DEPTOR: variants seen among roughly 807,000 people sequenced by gnomAD.
DEPTOR encodes DEP domain containing MTOR interacting protein.
In DEPTOR, 41 loss-of-function variants were observed where a neutral mutation model predicts 41.6. The ratio of observed to expected loss-of-function variants is 0.98; its 90% CI spans 0.77 to 1.28. The LOEUF (loss-of-function observed/expected upper bound fraction) is 1.28. Among genes scored for constraint, DEPTOR ranks in the 50% most tolerant of loss-of-function variants. The pLI, the probability that DEPTOR is intolerant of heterozygous loss-of-function variation, is 0.00. For missense variants in DEPTOR, 514 were observed against 527.9 expected (o/e 0.97, Z 0.26); for synonymous variants, 195 against 192.3 (o/e 1.01, Z -0.12).
intron 1 of DEPTOR, among the ~76,000 whole-genome samples, chr8:119,909,601 A>G (rs6469868): frequency 0.5 from 75,838 of 152,150 alleles, 20,632 homozygotes; most frequent in East Asian, 0.92. Flanking sequence ...ATTAATGTAA[A>G]CAATTGCAAA....
intron 3 of DEPTOR, among the ~76,000 whole-genome samples, chr8:119,954,145 C>CTT (rs11352000): frequency 4.2e-5 from 6 of 141,552 alleles, no homozygotes; most frequent in Admixed American, 7.1e-5. Flanking sequence ...GAATAATTAA[C>CTT]TTTTTTTTTT....
chr8:119,894,378 GTTCT>G (rs1181998986), intron 1 of DEPTOR, among the ~76,000 whole-genome samples: 3 of 81,640 alleles, frequency 3.7e-5, no homozygotes, highest in African/African-American at 1.0e-4. Flanking sequence ...GCCTCTAATA[GTTCT>G]TTTTTATTTA....
intron 4 of DEPTOR, among the ~76,000 whole-genome samples, chr8:119,990,755 C>A (rs1256529972): frequency 1.3e-5 from 2 of 152,138 alleles, no homozygotes; most frequent in African/African-American, 4.8e-5. Flanking sequence ...CAATCAATTT[C>A]CTGCTTTCAT....
chr8:120,009,445 C>T (rs1349628503), intron 8 of DEPTOR, among the ~76,000 whole-genome samples: 14 of 151,734 alleles, frequency 9.2e-5, no homozygotes. Flanking sequence ...AAACCCTATC[C>T]CTACTAAAAA....
intron 3 of DEPTOR, among the ~76,000 whole-genome samples, chr8:119,964,084 A>G (rs377234509): frequency 1.4e-3 from 217 of 152,238 alleles, no homozygotes; most frequent in African/African-American, 5.1e-3. Context: ...AGAGAGAGAA[A>G]GAGAGCAAGC....
At chr8:119,993,673 G>T (rs1052418007) in intron 4 of DEPTOR, among the ~76,000 whole-genome samples, 16 of 152,230 alleles carry the variant, frequency 1.1e-4, no homozygotes, top group Non-Finnish European at 4.4e-5. Flanking sequence ...TGGGATCTGA[G>T]AAATGTAGAA....
chr8:119,962,568 T>C (rs1273414341), intron 3 of DEPTOR, among the ~76,000 whole-genome samples: 2 of 152,152 alleles, frequency 1.3e-5, no homozygotes, highest in East Asian at 1.9e-4. Context: ...ACGCATACTT[T>C]ATAGGCTATG....
rs940203287 is a variant in DEPTOR at position 119,995,712 on chromosome 8, C to CT, written c.605-5810dup. ...GTGAAATGATGTCTCTTTTAGCAGGCTTTGGTATTGGTGAGCATAAAGAGA... is the reference window on the plus strand; with the variant it reads ...GTGAAATGATGTCTCTTTTAGCAGGCTTTTGGTATTGGTGAGCATAAAGAGA... On this transcript the variant is annotated intron_variant, in intron 4 of 8. Coordinates refer to ENST00000286234, the MANE Select transcript of DEPTOR (RefSeq NM_022783.4). Among the ~76,000 whole-genome samples the CT allele has an allele frequency of 2.4e-4, 37 of 152,142 alleles. 1 individual carries two copies. Among genetic ancestry groups the CT allele is most frequent in the African/African-American group, 8.4e-4 (35 of 41,510 alleles).
intron 1 of DEPTOR, among the ~76,000 whole-genome samples, chr8:119,892,291 A>T (rs2129719368): frequency 6.6e-6 from 1 of 152,120 alleles, no homozygotes; most frequent in African/African-American, 2.4e-5. Context: ...GAGCTACTAT[A>T]CCTGGCCTGG....
chr8:120,027,806 A>G (rs1363351703), intron 8 of DEPTOR, among the ~76,000 whole-genome samples: 1 of 152,154 alleles, frequency 6.6e-6, no homozygotes, highest in African/African-American at 2.4e-5. Context: ...AGCATAAACA[A>G]GAACACAGAG....
chr8:120,001,529 C>T lies in DEPTOR; in HGVS notation c.609C>T (p.Ser203=). 1 of 1,607,168 alleles carries T rather than the reference C, an allele frequency of 6.2e-7. No homozygotes were observed. Among genetic ancestry groups the T allele is most frequent in the Non-Finnish European group, 8.5e-7 (1 of 1,176,516 alleles). Residue 203 remains serine (S), a synonymous_variant, in exon 5 of 9, where the codon TCC becomes TCT. Coordinates refer to ENST00000286234, the MANE Select transcript of DEPTOR (RefSeq NM_022783.4). ...TGTTTTTTTTTTTCTCCCCAGTGTCCAACAAGCACCCATTTGTGGACAGCA... is the reference window on the plus strand; with the variant it reads ...TGTTTTTTTTTTTCTCCCCAGTGTCTAACAAGCACCCATTTGTGGACAGCA... The part of the protein sequence containing the change: ...LMEHGIIQHV[S]NKHPFVDSNL...
At position 120,040,209 on chromosome 8, in the gene DEPTOR, T is replaced by C. The variant is rs548299080; in HGVS notation, c.1102-9367T>C. Among the ~76,000 whole-genome samples, 6 of 152,252 alleles carry C rather than the reference T, an allele frequency of 3.9e-5. No homozygotes were observed. In the South Asian group the frequency reaches 8.3e-4, roughly 21 times the overall value. On this transcript the variant is annotated intron_variant, in intron 8 of 8. Coordinates refer to ENST00000286234, the MANE Select transcript of DEPTOR (RefSeq NM_022783.4). Reference sequence around the variant, plus strand: ...TCTTCTTGCATGAGGCAGTTAATGCTCATGGTGAAAGAATGCTCTCTTATA... The same window carrying C: ...TCTTCTTGCATGAGGCAGTTAATGCCCATGGTGAAAGAATGCTCTCTTATA...
intron 8 of DEPTOR, among the ~76,000 whole-genome samples, chr8:120,021,698 C>T (rs1057402534): frequency 5.9e-4 from 90 of 152,102 alleles, no homozygotes; most frequent in African/African-American, 2.1e-3. Context: ...AAAACTAAGT[C>T]TAGGTTTCTC....
Position 119,874,056 on chromosome 8 carries a change from G to A in DEPTOR, c.122+88G>A, listed in dbSNP as rs565742720. The A allele has an allele frequency of 5.1e-5, 81 of 1,574,140 alleles. No homozygotes were observed. In the East Asian group the frequency reaches 1.8e-3, roughly 34 times the overall value. Reference sequence around the variant, plus strand: ...CCTGCGCGCACGCGCTCCCTGGCTCGTGGCTTGCGACTCGCGTGGGGCGCC... The same window carrying A: ...CCTGCGCGCACGCGCTCCCTGGCTCATGGCTTGCGACTCGCGTGGGGCGCC... On this transcript the variant is annotated intron_variant, in intron 1 of 8. Coordinates refer to ENST00000286234, the MANE Select transcript of DEPTOR (RefSeq NM_022783.4).
chr8:119,949,439 G>A (rs965715349), intron 3 of DEPTOR, among the ~76,000 whole-genome samples: 1 of 152,160 alleles, frequency 6.6e-6, no homozygotes, highest in Non-Finnish European at 1.5e-5. Flanking sequence ...ACGATTTGAA[G>A]AACTGTGAGA....
At chr8:119,933,026 A>G (rs1356474238) in intron 3 of DEPTOR, among the ~76,000 whole-genome samples, 3 of 152,082 alleles carry the variant, frequency 2.0e-5, no homozygotes, top group Non-Finnish European at 2.9e-5. Flanking sequence ...CCTTAAAACC[A>G]CAGTAAGAAC....
Position 119,943,861 on chromosome 8 carries a change from G to A in DEPTOR, c.425+13923G>A, listed in dbSNP as rs140974819. Reference sequence around the variant, plus strand: ...TATTATTATTATTATTTTTTGAGACGGAGTCTCGTTTTGTTGCCCAGGCTG... The same window carrying A: ...TATTATTATTATTATTTTTTGAGACAGAGTCTCGTTTTGTTGCCCAGGCTG... On this transcript the variant is annotated intron_variant, in intron 3 of 8. Transcript: ENST00000286234. Among the ~76,000 whole-genome samples the A allele has an allele frequency of 3.1e-3, 476 of 151,950 alleles. 15 individuals are homozygous for A. Among genetic ancestry groups the A allele is most frequent in the Admixed American group, 0.024 (362 of 15,252 alleles).
At position 120,040,581 on chromosome 8, in the gene DEPTOR, A is replaced by G. The variant is rs1813053426; in HGVS notation, c.1102-8995A>G. On this transcript the variant is annotated intron_variant, in intron 8 of 8. Coordinates refer to ENST00000286234, the MANE Select transcript of DEPTOR (RefSeq NM_022783.4). The stretch of plus-strand genomic sequence containing the variant: ...CCCAAAGGTGACTCATATTTACACT[A>G]TGGTTTGAGAGCCACTTTTTTTGTA... Among the ~76,000 whole-genome samples the G allele has an allele frequency of 3.3e-5, 5 of 152,122 alleles. No homozygotes were observed. The South Asian group carries it at 8.3e-4, about 25-fold the overall frequency.
intron 6 of DEPTOR, among the ~76,000 whole-genome samples, chr8:120,004,298 A>G (rs2130089649): frequency 6.6e-6 from 1 of 152,316 alleles, no homozygotes; most frequent in Non-Finnish European, 1.5e-5. Flanking sequence ...GCAGGAATAA[A>G]TGTAACCTGT....
Sources: gnomAD v4.1 joint callset for allele counts (sites outside exome capture counted in the v4.1 genomes callset) on GRCh38, gnomAD v4.1.1 for gene constraint, MANE v1.5 for transcripts, NCBI Gene and HGNC (gene_info 2026-07-23, HGNC 2026-07-21) for gene names.